Variants in SORCS1 observed in about 807,000 individuals in gnomAD.
SORCS1 encodes the protein VPS10 domain-containing receptor SorCS1.
In SORCS1, 60 loss-of-function variants were observed where a neutral mutation model predicts 146.1. The ratio of observed to expected loss-of-function variants is 0.41; its 90% CI spans 0.33 to 0.51. SORCS1 has a LOEUF of 0.51. SORCS1 is among the 20% of genes least tolerant of loss of function. The pLI is 0.21. For synonymous variants in SORCS1, 637 were observed against 584.0 expected, an observed-to-expected ratio of 1.09 and a Z score of -1.31; for missense variants, 1,352 against 1,487.6, an observed-to-expected ratio of 0.91 and a Z score of 1.50.
intron 2 of SORCS1, among the ~76,000 whole-genome samples, chr10:106,908,458 T>C (rs1319607856): frequency 6.6e-6 from 1 of 152,202 alleles, no homozygotes; most frequent in Non-Finnish European, 1.5e-5. Flanking sequence ...TTTATTCTAA[T>C]GAGCATTTTT....
At chr10:106,792,315 G>A (rs1397172779) in intron 3 of SORCS1, among the ~76,000 whole-genome samples, 3 of 152,168 alleles carry the variant, frequency 2.0e-5, no homozygotes, top group Admixed American at 1.3e-4. Flanking sequence ...TCAATTCCCA[G>A]TCAAACCTTT....
At chr10:107,011,087 A>G (rs145912553) in intron 1 of SORCS1, among the ~76,000 whole-genome samples, 126 of 152,334 alleles carry the variant, frequency 8.3e-4, no homozygotes, top group African/African-American at 2.8e-3. Flanking sequence ...AAAGAAAATA[A>G]TAATAATTCT....
chr10:106,952,849 C>T lies in SORCS1; in HGVS notation c.626+3664G>A, dbSNP rs74476390. Among the ~76,000 whole-genome samples, 41 of 151,186 alleles carry T rather than the reference C, an allele frequency of 2.7e-4. 2 individuals carry two copies. In the East Asian group the frequency reaches 7.0e-3, roughly 26 times the overall value. On this transcript the variant is annotated intron_variant, in intron 2 of 25. Coordinates refer to ENST00000263054, the MANE Select transcript of SORCS1 (RefSeq NM_052918.5). ...TAATAAAAAATTAGCCTAGGGTAGTCGCAAATATTTGTAGTCCCAGCTACT... is the reference window on the plus strand; with the variant it reads ...TAATAAAAAATTAGCCTAGGGTAGTTGCAAATATTTGTAGTCCCAGCTACT...
chr10:106,706,431 G>A, intron 8 of SORCS1, 114 bp downstream of exon 8: 2 of 982,500 alleles, frequency 2.0e-6, no homozygotes, highest in Non-Finnish European at 3.1e-6. Flanking sequence ...AGAGATGAGA[G>A]ATGTAAAGAA....
chr10:106,716,276 C>T (rs1199201296), intron 6 of SORCS1, among the ~76,000 whole-genome samples: 1 of 152,148 alleles, frequency 6.6e-6, no homozygotes, highest in African/African-American at 2.4e-5. Context: ...GCAGGTGTTC[C>T]GTCTTCCTGT....
chr10:106,788,025 C>T (rs533431154), intron 3 of SORCS1, among the ~76,000 whole-genome samples: 1 of 152,330 alleles, frequency 6.6e-6, no homozygotes, highest in African/African-American at 2.4e-5. Context: ...GGTGAACATA[C>T]ATTACATGTT....
intron 5 of SORCS1, among the ~76,000 whole-genome samples, chr10:106,755,231 C>T (rs1038861114): frequency 5.9e-5 from 9 of 152,176 alleles, no homozygotes; most frequent in East Asian, 1.9e-4. Flanking sequence ...AACTAAAATA[C>T]AATTTCAAAA....
chr10:107,018,606 C>T (rs1349655493), intron 1 of SORCS1, among the ~76,000 whole-genome samples: 1 of 151,628 alleles, frequency 6.6e-6, no homozygotes, highest in Non-Finnish European at 1.5e-5. Context: ...GTATGCTTTT[C>T]TTTTGTTAAT....
intron 1 of SORCS1, among the ~76,000 whole-genome samples, chr10:107,067,420 G>C (rs1430844452): frequency 6.6e-6 from 1 of 151,846 alleles, no homozygotes; most frequent in Non-Finnish European, 1.5e-5. Context: ...TGTTCCTGCT[G>C]CAAAACTGCA....
At chr10:107,062,185 T>G in intron 1 of SORCS1, among the ~76,000 whole-genome samples, 1 of 152,292 alleles carries the variant, frequency 6.6e-6, no homozygotes, top group South Asian at 2.1e-4. Context: ...AGAGCTTAAA[T>G]TTATAACAAT....
intron 1 of SORCS1, among the ~76,000 whole-genome samples, chr10:107,137,915 A>T (rs1011542781): frequency 6.6e-6 from 1 of 151,868 alleles, no homozygotes; most frequent in African/African-American, 2.4e-5. Flanking sequence ...TTTTTTAACT[A>T]CTCAATTCCA....
chr10:106,736,468 C>G (rs577531494), intron 5 of SORCS1, among the ~76,000 whole-genome samples: 10 of 152,214 alleles, frequency 6.6e-5, no homozygotes, highest in Non-Finnish European at 1.5e-4. Context: ...GGCAACAGGT[C>G]CTGTCTGCTA....
Position 106,693,849 on chromosome 10 carries a change from T to C in SORCS1, c.1413+5365A>G, listed in dbSNP as rs964943339. Among the ~76,000 whole-genome samples, 9 of 152,210 alleles carry C rather than the reference T, an allele frequency of 5.9e-5. 1 individual carries two copies. The highest frequency in any genetic ancestry group is 2.0e-4 in the Admixed American group (3 of 15,278). On this transcript the variant is annotated intron_variant, in intron 9 of 25. Transcript: ENST00000263054. The stretch of plus-strand genomic sequence containing the variant: ...GTAAGAAAACCTTTTGTAAGTTCCA[T>C]GCAGAGGCTAAGTTGGGAAGACTCC...
chr10:106,681,307 C>A (rs1460964099), intron 10 of SORCS1, among the ~76,000 whole-genome samples: 1 of 152,156 alleles, frequency 6.6e-6, no homozygotes, highest in Non-Finnish European at 1.5e-5. Context: ...TCAGGCTCTC[C>A]TCTCCTCTAA....
At chr10:107,043,996 C>G (rs1027675330) in intron 1 of SORCS1, among the ~76,000 whole-genome samples, 1 of 152,162 alleles carries the variant, frequency 6.6e-6, no homozygotes, top group African/African-American at 2.4e-5. Context: ...ATGTGACTTT[C>G]CTTGCTGGTG....
At position 107,146,226 on chromosome 10, in the gene SORCS1, C is replaced by T. The variant is rs554931643; in HGVS notation, c.558+17743G>A. 4.6e-5 allele frequency among the ~76,000 whole-genome samples: 7 copies of T among 152,264 alleles called. No homozygotes were observed. The South Asian group carries it at 1.2e-3, about 27-fold the overall frequency. ...CACCCACACACACAAATACAACTCACCAATGTCCATGATAAGGAGAATCCT... is the reference window on the plus strand; with the variant it reads ...CACCCACACACACAAATACAACTCATCAATGTCCATGATAAGGAGAATCCT... On this transcript the variant is annotated intron_variant, in intron 1 of 25. Transcript: ENST00000263054.
chr10:107,041,404 T>TAA (rs5787703), intron 1 of SORCS1, among the ~76,000 whole-genome samples: 4 of 142,154 alleles, frequency 2.8e-5, no homozygotes, highest in South Asian at 2.2e-4. Flanking sequence ...TAAAGGGGAT[T>TAA]AAAAAAAAAA....
intron 2 of SORCS1, among the ~76,000 whole-genome samples, chr10:106,877,857 C>T (rs189745778): frequency 1.3e-5 from 2 of 152,050 alleles, no homozygotes; most frequent in Non-Finnish European, 2.9e-5. Flanking sequence ...TTCCATAATA[C>T]CTGGCAGGGT....
intron 8 of SORCS1, 41 bp downstream of exon 8, chr10:106,706,504 G>A (rs760948965): frequency 6.3e-7 from 1 of 1,584,056 alleles, no homozygotes; most frequent in East Asian, 2.2e-5. Context: ...TTCTGTGAAT[G>A]AGAGTCAAGA....
Sources: gnomAD v4.1 joint callset for allele counts (sites outside exome capture counted in the v4.1 genomes callset) on GRCh38, gnomAD v4.1.1 for gene constraint, MANE v1.5 for transcripts, NCBI Gene and HGNC (gene_info 2026-07-23, HGNC 2026-07-21) for gene names.